The following SMAP1 variants were observed in gnomAD, a reference collection of about 807,000 sequenced individuals.
SMAP1 encodes the protein stromal membrane-associated protein 1.
SMAP1 carries 24 observed loss-of-function variants against 58.5 expected under a neutral mutation model. The observed-to-expected ratio is 0.41, with a 90% CI of 0.30 to 0.58. The LOEUF (loss-of-function observed/expected upper bound fraction) is 0.58. SMAP1 is among the 20% of genes least tolerant of loss of function. The pLI is 0.29. For missense variants in SMAP1, 563 were observed against 566.3 expected (o/e 0.99, Z 0.06); for synonymous variants, 216 against 196.6 (o/e 1.10, Z -0.82).
chr6:70,709,177 C>T (rs560371280), intron 1 of SMAP1, among the ~76,000 whole-genome samples: 9 of 152,180 alleles, frequency 5.9e-5, no homozygotes, highest in African/African-American at 1.9e-4. Flanking sequence ...AGAGACTGTA[C>T]TTCCGCCATT....
intron 3 of SMAP1, among the ~76,000 whole-genome samples, chr6:70,760,489 G>A (rs780912834): frequency 4.6e-5 from 7 of 152,004 alleles, no homozygotes; most frequent in Non-Finnish European, 1.0e-4. Flanking sequence ...AATGTAATCT[G>A]TAGCCTTTAA....
chr6:70,668,406 G>T, intron 1 of SMAP1: 1 of 1,035,520 alleles, frequency 9.7e-7, no homozygotes, highest in South Asian at 1.8e-5. Context: ...GCAGGTGCCA[G>T]GGTAGCGATG....
At chr6:70,722,263 T>A (rs1582061289) in intron 1 of SMAP1, among the ~76,000 whole-genome samples, 1 of 152,342 alleles carries the variant, frequency 6.6e-6, no homozygotes, top group East Asian at 1.9e-4. Context: ...TCCCACAATT[T>A]GACTTTGAAT....
intron 5 of SMAP1, among the ~76,000 whole-genome samples, chr6:70,796,581 G>C (rs1415346115): frequency 6.6e-6 from 1 of 152,202 alleles, no homozygotes; most frequent in East Asian, 1.9e-4. Flanking sequence ...TGAGTCAGCA[G>C]TAGGTAATGT....
chr6:70,693,298 CTTTTTT>C (rs55693339), intron 1 of SMAP1, among the ~76,000 whole-genome samples: 172 of 109,624 alleles, frequency 1.6e-3, no homozygotes, highest in African/African-American at 3.4e-3. Flanking sequence ...ATGTCATCTT[CTTTTTT>C]TTTTTTTTTT....
chr6:70,758,604 A>G (rs1766615936), intron 3 of SMAP1, among the ~76,000 whole-genome samples: 1 of 152,096 alleles, frequency 6.6e-6, no homozygotes, highest in Non-Finnish European at 1.5e-5. Flanking sequence ...TTCCACTGTA[A>G]GGAAGAATAG....
chr6:70,805,809 G>T (rs1415875527), intron 6 of SMAP1, among the ~76,000 whole-genome samples: 1 of 152,164 alleles, frequency 6.6e-6, no homozygotes, highest in Non-Finnish European at 1.5e-5. Context: ...TGTGGACGCT[G>T]TTTTCCTGGG....
chr6:70,774,756 A>C (rs1767477496), intron 4 of SMAP1, among the ~76,000 whole-genome samples: 1 of 151,876 alleles, frequency 6.6e-6, no homozygotes, highest in African/African-American at 2.4e-5. Context: ...TCGACTGGGC[A>C]TGGTGGCTTA....
At chr6:70,775,875 A>AT (rs938675409) in intron 4 of SMAP1, among the ~76,000 whole-genome samples, 1 of 152,114 alleles carries the variant, frequency 6.6e-6, no homozygotes, top group African/African-American at 2.4e-5. Context: ...GATTTAAAGG[A>AT]TTTTTTCCTC....
chr6:70,786,542 T>C (rs1768039355), intron 4 of SMAP1, among the ~76,000 whole-genome samples: 1 of 149,680 alleles, frequency 6.7e-6, no homozygotes, highest in Non-Finnish European at 1.5e-5. Flanking sequence ...CATGATTGTA[T>C]ATCTAGAAAA....
intron 6 of SMAP1, among the ~76,000 whole-genome samples, chr6:70,817,408 G>T (rs1321961747): frequency 1.3e-5 from 2 of 152,000 alleles, no homozygotes; most frequent in African/African-American, 4.8e-5. Context: ...GTTCAAAAGT[G>T]GTTTGTATAA....
At chr6:70,856,512 T>G (rs1342299218) in intron 8 of SMAP1, among the ~76,000 whole-genome samples, 3 of 152,230 alleles carry the variant, frequency 2.0e-5, no homozygotes, top group African/African-American at 7.2e-5. Flanking sequence ...ACCAGTTTCT[T>G]GAAGCAGTAG....
chr6:70,772,256 G>C (rs768208141), intron 3 of SMAP1, among the ~76,000 whole-genome samples: 2 of 152,152 alleles, frequency 1.3e-5, no homozygotes, highest in Non-Finnish European at 2.9e-5. Context: ...TGTGTGGTCT[G>C]TCATCCCTTT....
intron 1 of SMAP1, among the ~76,000 whole-genome samples, chr6:70,727,527 TTA>T (rs1489787788): frequency 5.3e-5 from 8 of 152,222 alleles, no homozygotes; most frequent in African/African-American, 1.9e-4. Context: ...ACTATAACCA[TTA>T]TATGATTATT....
chr6:70,774,905 TG>T (rs2149916877), intron 4 of SMAP1, among the ~76,000 whole-genome samples: 1 of 151,662 alleles, frequency 6.6e-6, no homozygotes, highest in Admixed American at 6.6e-5. Context: ...CCCAGCCACT[TG>T]GGAGGCTGAG....
At chr6:70,790,281 C>T (rs1043235225) in intron 4 of SMAP1, among the ~76,000 whole-genome samples, 1 of 152,212 alleles carries the variant, frequency 6.6e-6, no homozygotes, top group African/African-American at 2.4e-5. Flanking sequence ...GCTGGGATTA[C>T]AGGCATGCAC....
chr6:70,861,974 A>C lies in SMAP1; in HGVS notation c.*1640A>C. The stretch of plus-strand genomic sequence containing the variant: ...ACAAAATGACTTGAAGACTTACAGC[A>C]AATCCTTTGTGAAAAATAAAAAAAA... On this transcript the variant is annotated 3_prime_UTR_variant, in exon 11 of 11. Coordinates refer to ENST00000370455, the MANE Select transcript of SMAP1 (RefSeq NM_001044305.3). 6.3e-7 allele frequency: 1 copy of C among 1,584,932 alleles called. No individual in the cohort carries two copies. The highest frequency in any genetic ancestry group is 8.6e-7 in the Non-Finnish European group (1 of 1,169,120).
intron 1 of SMAP1, among the ~76,000 whole-genome samples, chr6:70,720,342 C>G (rs1486885217): frequency 6.6e-6 from 1 of 152,194 alleles, no homozygotes; most frequent in Non-Finnish European, 1.5e-5. Flanking sequence ...CGGCTCTGCC[C>G]CTGTGGTTTT....
chr6:70,856,614 G>T (rs111229795), intron 8 of SMAP1: 7 of 311,014 alleles, frequency 2.3e-5, no homozygotes, highest in African/African-American at 1.5e-4. Context: ...GGTAGTAAAT[G>T]CAACTTACTG....
Sources: gnomAD v4.1 joint callset for allele counts (sites outside exome capture counted in the v4.1 genomes callset) on GRCh38, gnomAD v4.1.1 for gene constraint, MANE v1.5 for transcripts, NCBI Gene and HGNC (gene_info 2026-07-23, HGNC 2026-07-21) for gene names.